The following DGKB variants were observed in gnomAD, a reference collection of about 807,000 sequenced individuals.
DGKB encodes diacylglycerol kinase beta, also known as 90 kDa diacylglycerol kinase.
A neutral mutation model predicts 114.3 loss-of-function variants in DGKB; 67 were observed. The observed-to-expected ratio is 0.59, with a 90% CI of 0.48 to 0.72. DGKB has a LOEUF of 0.72. DGKB is among the 30% of genes least tolerant of loss of function. DGKB has a pLI of 0.00. For missense variants in DGKB, 907 were observed against 975.2 expected (o/e 0.93, Z 0.93); for synonymous variants, 398 against 323.1 (o/e 1.23, Z -2.49).
chr7:14,297,690 G>A (rs1802818095), intron 23 of DGKB, among the ~76,000 whole-genome samples: 1 of 152,130 alleles, frequency 6.6e-6, no homozygotes, highest in Admixed American at 6.5e-5. Flanking sequence ...ACATAGTATT[G>A]GAAGCTCTGG....
chr7:14,260,367 C>T (rs1460455645), intron 23 of DGKB, among the ~76,000 whole-genome samples: 1 of 152,126 alleles, frequency 6.6e-6, no homozygotes, highest in Non-Finnish European at 1.5e-5. Flanking sequence ...AGTTTTCCAT[C>T]ATAATTTTAC....
At chr7:14,270,542 T>C (rs1798129637) in intron 23 of DGKB, among the ~76,000 whole-genome samples, 1 of 152,220 alleles carries the variant, frequency 6.6e-6, no homozygotes, top group Admixed American at 6.5e-5. Context: ...CATTCATTCC[T>C]TTCAAATGTC....
At position 14,278,132 on chromosome 7, in the gene DGKB, A is replaced by G. The variant is rs186989979; in HGVS notation, c.2122+60383T>C. Among the ~76,000 whole-genome samples the G allele has an allele frequency of 3.6e-3, 542 of 152,280 alleles. 3 individuals carry two copies. Among genetic ancestry groups the G allele is most frequent in the African/African-American group, 0.013 (523 of 41,512 alleles). ...AAAATCCCAATGCCATTTTGGAAACAGAAAAAACACTCTTTAAATTCTCAT... is the reference window on the plus strand; with the variant it reads ...AAAATCCCAATGCCATTTTGGAAACGGAAAAAACACTCTTTAAATTCTCAT... On this transcript the variant is annotated intron_variant, in intron 23 of 25. Coordinates refer to ENST00000402815, the MANE Select transcript of DGKB (RefSeq NM_001350709.2).
chr7:14,296,101 G>C (rs564664323), intron 23 of DGKB, among the ~76,000 whole-genome samples: 2 of 149,708 alleles, frequency 1.3e-5, no homozygotes, highest in Non-Finnish European at 3.0e-5. Context: ...GCACAATCTC[G>C]GCACACTGCA....
At chr7:14,839,373 C>T (rs114050831) in intron 2 of DGKB, among the ~76,000 whole-genome samples, 1,853 of 151,284 alleles carry the variant, frequency 0.012, 42 homozygotes, top group African/African-American at 0.042. Context: ...AGAAGTAGGC[C>T]ATTCTGAACT....
At chr7:14,801,111 C>T (rs1463063682) in intron 2 of DGKB, among the ~76,000 whole-genome samples, 3 of 152,024 alleles carry the variant, frequency 2.0e-5, no homozygotes, top group Non-Finnish European at 4.4e-5. Context: ...GATTCCTTCC[C>T]TTTTTTATTC....
intron 20 of DGKB, among the ~76,000 whole-genome samples, chr7:14,494,202 G>A (rs1425613086): frequency 6.6e-6 from 1 of 151,774 alleles, no homozygotes; most frequent in Non-Finnish European, 1.5e-5. Context: ...ATTGTCTTAT[G>A]GAAGTATTCC....
chr7:14,276,989 A>T (rs1263430506), intron 23 of DGKB, among the ~76,000 whole-genome samples: 2 of 151,996 alleles, frequency 1.3e-5, no homozygotes, highest in African/African-American at 4.8e-5. Flanking sequence ...TTGTGGTGAG[A>T]TGTTTGAAAT....
chr7:14,349,619 C>T (rs1813098697), intron 21 of DGKB, among the ~76,000 whole-genome samples: 1 of 152,098 alleles, frequency 6.6e-6, no homozygotes, highest in Admixed American at 6.6e-5. Flanking sequence ...TTTAAATTCT[C>T]CATTATTACA....
At chr7:14,335,475 A>T (rs1810477896) in intron 23 of DGKB, among the ~76,000 whole-genome samples, 1 of 152,174 alleles carries the variant, frequency 6.6e-6, no homozygotes, top group African/African-American at 2.4e-5. Context: ...AACTTCTGAT[A>T]ATTTTTTACA....
At chr7:14,611,702 T>C (rs1349718639) in intron 16 of DGKB, among the ~76,000 whole-genome samples, 1 of 151,834 alleles carries the variant, frequency 6.6e-6, no homozygotes, top group Non-Finnish European at 1.5e-5. Context: ...TGTAACTATA[T>C]ATATATATAT....
intron 16 of DGKB, among the ~76,000 whole-genome samples, chr7:14,608,706 A>C (rs776481851): frequency 6.6e-6 from 1 of 152,082 alleles, no homozygotes; most frequent in Non-Finnish European, 1.5e-5. Context: ...AAAGGCTGTT[A>C]GAACTGAAGA....
chr7:14,545,369 A>G (rs1042369580), intron 20 of DGKB, among the ~76,000 whole-genome samples: 27 of 152,190 alleles, frequency 1.8e-4, no homozygotes, highest in Non-Finnish European at 8.8e-5. Context: ...TAAGAATCCA[A>G]TGAAGTTTGT....
intron 21 of DGKB, among the ~76,000 whole-genome samples, chr7:14,452,486 C>G (rs1831671636): frequency 6.6e-6 from 1 of 151,960 alleles, no homozygotes; most frequent in Non-Finnish European, 1.5e-5. Flanking sequence ...TATTAAGTCT[C>G]TGAAAAAATA....
At chr7:14,859,628 T>A (rs971057716) in intron 1 of DGKB, among the ~76,000 whole-genome samples, 57 of 152,156 alleles carry the variant, frequency 3.7e-4, no homozygotes, top group African/African-American at 1.3e-3. Context: ...TTCCTTGTTG[T>A]TGGAATTCAC....
At chr7:14,805,101 A>T (rs1330760255) in intron 2 of DGKB, among the ~76,000 whole-genome samples, 1 of 151,994 alleles carries the variant, frequency 6.6e-6, no homozygotes, top group Non-Finnish European at 1.5e-5. Flanking sequence ...TTCTTCCTTT[A>T]TAGAAATTTT....
intron 23 of DGKB, among the ~76,000 whole-genome samples, chr7:14,211,171 G>A (rs980534834): frequency 6.6e-6 from 1 of 151,926 alleles, no homozygotes; most frequent in Admixed American, 6.6e-5. Flanking sequence ...AATTGTATAG[G>A]TCCCATATCT....
In DGKB at chr7:14,572,041, G is replaced by T. The variant is rs150946984; in HGVS notation, c.1770+2171C>A. The stretch of plus-strand genomic sequence containing the variant: ...TAGGAAAGTGTGTCACACATTTAGG[G>T]AAATAACAAGCAAACAAACAAGGTC... On this transcript the variant is annotated intron_variant, in intron 20 of 25. Transcript: ENST00000402815. Among the ~76,000 whole-genome samples the T allele has an allele frequency of 3.9e-3, 599 of 152,226 alleles. 1 individual carries two copies. Among genetic ancestry groups the T allele is most frequent in the Middle Eastern group, 0.014 (4 of 294 alleles).
intron 23 of DGKB, among the ~76,000 whole-genome samples, chr7:14,336,852 G>A (rs1046182672): frequency 2.6e-5 from 4 of 152,130 alleles, no homozygotes; most frequent in Non-Finnish European, 4.4e-5. Context: ...CAACCCAGTG[G>A]GTGAATGTAG....
Sources: allele counts gnomAD v4.1 joint callset (sites outside exome capture counted in the v4.1 genomes callset), GRCh38; gene constraint gnomAD v4.1.1; transcripts MANE v1.5; gene names NCBI Gene and HGNC (gene_info 2026-07-23, HGNC 2026-07-21).